The following PLPP4 variants were observed in gnomAD, a reference collection of about 807,000 sequenced individuals.
The protein encoded by PLPP4 is phospholipid phosphatase 4, also known as diacylglycerol pyrophosphate like 2.
Under a neutral mutation model 32.2 loss-of-function variants are expected in PLPP4, and 20 were observed. The ratio of observed to expected loss-of-function variants is 0.62; its 90% CI spans 0.44 to 0.90. The LOEUF is 0.90. Among genes scored for constraint, PLPP4 ranks in the 40% least tolerant of loss-of-function variants. The pLI, the probability that PLPP4 is intolerant of heterozygous loss-of-function variation, is 0.00. For missense variants in PLPP4, 257 were observed against 353.1 expected (o/e 0.73, Z 2.18); for synonymous variants, 127 against 133.0 (o/e 0.95, Z 0.31).
At chr10:120,487,079 C>A (rs1444965429) in intron 1 of PLPP4, among the ~76,000 whole-genome samples, 2 of 152,240 alleles carry the variant, frequency 1.3e-5, no homozygotes, top group African/African-American at 4.8e-5. Flanking sequence ...ACTAAACTAA[C>A]TTGATTACAC....
At chr10:120,587,493 A>G (rs1247535901) in intron 6 of PLPP4, 1 of 152,224 alleles carries the variant, frequency 6.6e-6, no homozygotes, top group Non-Finnish European at 1.5e-5. Context: ...CATGCATGAA[A>G]TTACTAAATT....
intron 1 of PLPP4, among the ~76,000 whole-genome samples, chr10:120,501,641 T>A (rs1845255983): frequency 6.6e-6 from 1 of 152,194 alleles, no homozygotes; most frequent in South Asian, 2.1e-4. Context: ...CTGGAAGAGT[T>A]GTTAATGAGA....
chr10:120,566,781 C>T (rs1848713057), intron 5 of PLPP4, among the ~76,000 whole-genome samples: 4 of 152,200 alleles, frequency 2.6e-5, no homozygotes, highest in Admixed American at 2.6e-4. Flanking sequence ...TCCCGAACTC[C>T]TGACCTCAGG....
chr10:120,536,220 A>G (rs978014467), intron 5 of PLPP4, among the ~76,000 whole-genome samples: 10 of 152,112 alleles, frequency 6.6e-5, no homozygotes, highest in Non-Finnish European at 1.3e-4. Context: ...GAAAAGACAG[A>G]AGACCCCAGA....
At chr10:120,571,545 C>G (rs181380451) in intron 5 of PLPP4, among the ~76,000 whole-genome samples, 33 of 152,266 alleles carry the variant, frequency 2.2e-4, no homozygotes, top group African/African-American at 7.2e-4. Context: ...GAAAACATGT[C>G]TTGGACAGCC....
chr10:120,540,893 C>T (rs1341231434), intron 5 of PLPP4, among the ~76,000 whole-genome samples: 1 of 152,204 alleles, frequency 6.6e-6, no homozygotes, highest in Non-Finnish European at 1.5e-5. Context: ...TGCCTGTCAT[C>T]ATGGCACATG....
At chr10:120,520,170 C>G (rs1043714278) in intron 4 of PLPP4, among the ~76,000 whole-genome samples, 2 of 152,172 alleles carry the variant, frequency 1.3e-5, no homozygotes, top group Non-Finnish European at 2.9e-5. Context: ...CTGCAGGAGG[C>G]TCGACTTCAG....
chr10:120,531,796 TAATC>T (rs1180930330), intron 5 of PLPP4, among the ~76,000 whole-genome samples: 3 of 151,878 alleles, frequency 2.0e-5, no homozygotes, highest in Non-Finnish European at 2.9e-5. Flanking sequence ...TTCCTATCCT[TAATC>T]AAGAACCACA....
chr10:120,462,661 G>A (rs1848107782), intron 1 of PLPP4, among the ~76,000 whole-genome samples: 1 of 152,202 alleles, frequency 6.6e-6, no homozygotes, highest in South Asian at 2.1e-4. Context: ...GCTACTGAAG[G>A]GGCGGACGGC....
Position 120,520,994 on chromosome 10 carries a change from G to T in PLPP4, c.344G>T (p.Arg115Leu). ...VGRPRPDFFY[R>L]CFPDGVMNSE... The stretch of plus-strand genomic sequence containing the variant: ...AGACCTCGCCCCGATTTCTTTTACC[G>T]CTGCTTTCCAGATGGAGTGATGAAC... Residue 115 changes from arginine (R) to leucine (L), a missense_variant, in exon 5 of 7, where the codon CGC becomes CTC. Coordinates refer to ENST00000398250, the MANE Select transcript of PLPP4 (RefSeq NM_001030059.3). The T allele has an allele frequency of 6.2e-7, 1 of 1,613,880 alleles. No individual in the cohort carries two copies. Among genetic ancestry groups the T allele is most frequent in the Non-Finnish European group, 8.5e-7 (1 of 1,179,922 alleles).
intron 5 of PLPP4, among the ~76,000 whole-genome samples, chr10:120,560,353 A>G (rs1465788934): frequency 2.0e-5 from 3 of 150,694 alleles, no homozygotes; most frequent in South Asian, 2.1e-4. Flanking sequence ...AAGAAAGAAA[A>G]AAATCATTTG....
At chr10:120,575,013 G>A in intron 5 of PLPP4, 118 bp from the exon 6 acceptor site, 4 of 1,008,550 alleles carry the variant, frequency 4.0e-6, no homozygotes, top group Non-Finnish European at 5.9e-6. Flanking sequence ...ATAGTGCCTG[G>A]TGCCAACATG....
intron 1 of PLPP4, among the ~76,000 whole-genome samples, chr10:120,464,160 A>G (rs911099061): frequency 4.6e-5 from 7 of 152,214 alleles, no homozygotes; most frequent in African/African-American, 1.2e-4. Flanking sequence ...GTATTTATCC[A>G]TCTTCAGTCA....
At chr10:120,520,417 G>T (rs566109324) in intron 4 of PLPP4, among the ~76,000 whole-genome samples, 2 of 152,190 alleles carry the variant, frequency 1.3e-5, no homozygotes, top group East Asian at 1.9e-4. Flanking sequence ...TAGATCAAGC[G>T]GTAGAGTGGT....
intron 5 of PLPP4, among the ~76,000 whole-genome samples, chr10:120,565,714 A>G (rs1848663083): frequency 6.6e-6 from 1 of 151,998 alleles, no homozygotes. Context: ...TGTGTCTTTC[A>G]ATATCCTGAG....
intron 1 of PLPP4, among the ~76,000 whole-genome samples, chr10:120,485,222 T>C (rs966463047): frequency 6.6e-6 from 1 of 152,244 alleles, no homozygotes; most frequent in Non-Finnish European, 1.5e-5. Flanking sequence ...CATCTGTTTC[T>C]AAACCTGTGC....
intron 2 of PLPP4, among the ~76,000 whole-genome samples, chr10:120,511,649 A>C (rs1345639906): frequency 6.6e-6 from 1 of 152,180 alleles, no homozygotes; most frequent in African/African-American, 2.4e-5. Context: ...GGATTTGGAG[A>C]AACAAGGACT....
chr10:120,543,672 A>C lies in PLPP4; in HGVS notation c.445+22577A>C, dbSNP rs922811158. Among the ~76,000 whole-genome samples the C allele has an allele frequency of 3.3e-5, 5 of 152,172 alleles. No individual in the cohort carries two copies. In the East Asian group the frequency reaches 9.6e-4, roughly 29 times the overall value. ...TTTTAAGTGTGCAGTGACGTTAAGTACATTCACAGCGTTGTGCAGCCATCA... is the reference window on the plus strand; with the variant it reads ...TTTTAAGTGTGCAGTGACGTTAAGTCCATTCACAGCGTTGTGCAGCCATCA... On this transcript the variant is annotated intron_variant, in intron 5 of 6. Coordinates refer to ENST00000398250, the MANE Select transcript of PLPP4 (RefSeq NM_001030059.3).
At chr10:120,535,760 AC>A in intron 5 of PLPP4, among the ~76,000 whole-genome samples, 1 of 150,040 alleles carries the variant, frequency 6.7e-6, no homozygotes, top group African/African-American at 2.4e-5. Context: ...GTGGATGCAA[AC>A]CCCCCTGGGA....
Sources: gnomAD v4.1 joint callset for allele counts (sites outside exome capture counted in the v4.1 genomes callset) on GRCh38, gnomAD v4.1.1 for gene constraint, MANE v1.5 for transcripts, NCBI Gene and HGNC (gene_info 2026-07-23, HGNC 2026-07-21) for gene names.